PRDM15: variants seen among roughly 807,000 people sequenced by gnomAD.
The protein encoded by PRDM15 is PR/SET domain 15.
PRDM15 carries 64 observed loss-of-function variants against 128.6 expected under a neutral mutation model. The ratio of observed to expected loss-of-function variants is 0.50; its 90% CI spans 0.41 to 0.61. The LOEUF is 0.61. Among genes scored for constraint, PRDM15 ranks in the 20% least tolerant of loss-of-function variants. PRDM15 has a pLI of 0.00. For synonymous variants in PRDM15, 615 were observed against 621.8 expected (o/e 0.99, Z 0.16); for missense variants, 1,242 against 1,569.1 (o/e 0.79, Z 3.52).
chr21:41,801,821 CACGACA>C, intron 23 of PRDM15, 99 bp from the exon 24 acceptor site: 2 of 1,311,920 alleles, frequency 1.5e-6, no homozygotes, highest in Non-Finnish European at 2.1e-6. Flanking sequence ...ACCAAAGAAG[CACGACA>C]TTCTTTGGTG....
intron 1 of PRDM15, among the ~76,000 whole-genome samples, chr21:41,875,214 A>G (rs974418450): frequency 5.3e-5 from 8 of 152,168 alleles, no homozygotes; most frequent in African/African-American, 1.9e-4. Context: ...TCCCCTCCAG[A>G]GCCTCCACAG....
chr21:41,855,757 C>T (rs1293298677), intron 4 of PRDM15, among the ~76,000 whole-genome samples: 2 of 152,232 alleles, frequency 1.3e-5, no homozygotes, highest in Admixed American at 1.3e-4. Context: ...GGGCCTCGCC[C>T]CCAACCGTGC....
intron 6 of PRDM15, among the ~76,000 whole-genome samples, chr21:41,841,156 C>T (rs1004333162): frequency 6.6e-6 from 1 of 152,294 alleles, no homozygotes; most frequent in African/African-American, 2.4e-5. Flanking sequence ...AGACATGACT[C>T]TTCAGATTCA....
intron 1 of PRDM15, among the ~76,000 whole-genome samples, chr21:41,875,846 G>T (rs2064394224): frequency 6.6e-6 from 1 of 152,156 alleles, no homozygotes; most frequent in South Asian, 2.1e-4. Flanking sequence ...CAGTACACTC[G>T]TGTGTAGCTT....
At chr21:41,816,940 C>T (rs527467777) in intron 18 of PRDM15, among the ~76,000 whole-genome samples, 26 of 151,816 alleles carry the variant, frequency 1.7e-4, no homozygotes, top group Admixed American at 3.9e-4. Context: ...CGCCCAGACC[C>T]CAGCACTTCC....
chr21:41,836,295 G>T, intron 9 of PRDM15, 88 bp from the exon 10 acceptor site: 1 of 1,351,670 alleles, frequency 7.4e-7, no homozygotes, highest in Non-Finnish European at 1.0e-6. Context: ...CCCACAAGCC[G>T]CCTCGCTCCC....
Position 41,821,011 on chromosome 21 carries a change from A to G in PRDM15, c.2060+56T>C. 1.2e-6 allele frequency: 2 copies of G among 1,605,120 alleles called. No homozygotes were observed. Among genetic ancestry groups the G allele is most frequent in the Non-Finnish European group, 1.7e-6 (2 of 1,172,166 alleles). ...TCCTTATAGCATGTGTCTCTTTGCA[A>G]GGAAGCATGTCCCCTCTCTCCTGAC... On this transcript the variant is annotated intron_variant, in intron 16 of 23. Transcript: ENST00000398548. This position sits in a 1 kb window ranked among gnomAD's most constrained non-coding sequence, Gnocchi z 5.4.
At chr21:41,845,747 C>G (rs752752817) in intron 6 of PRDM15, among the ~76,000 whole-genome samples, 49 of 152,224 alleles carry the variant, frequency 3.2e-4, no homozygotes, top group South Asian at 1.0e-3. Context: ...TGATGACATA[C>G]AAGTAGAATT....
At chr21:41,837,193 A>G (rs143106039) in intron 8 of PRDM15, among the ~76,000 whole-genome samples, 10 of 152,368 alleles carry the variant, frequency 6.6e-5, no homozygotes, top group African/African-American at 2.4e-4. Flanking sequence ...ACTCAACTCC[A>G]TGGTAAAAAT....
chr21:41,803,010 C>T lies in PRDM15; in HGVS notation c.2734-89G>A, dbSNP rs374732914. 1.4e-4 allele frequency: 136 copies of T among 999,526 alleles called. No homozygotes were observed. In the African/African-American group the frequency reaches 1.7e-3, roughly 13 times the overall value. 61.9% of individuals were successfully genotyped at this position (999,526 alleles called of 1,614,324 possible). On this transcript the variant is annotated intron_variant, in intron 22 of 23. Transcript: ENST00000398548. ...CAGCCCCAGCACTGCCCTGGACACA[C>T]TCTCCAATCAGTGGGGACGCTTGTG... is the stretch of plus-strand genomic sequence containing the variant.
chr21:41,851,873 G>T (rs1236051245), intron 5 of PRDM15, among the ~76,000 whole-genome samples: 1 of 152,216 alleles, frequency 6.6e-6, no homozygotes, highest in Admixed American at 6.5e-5. Flanking sequence ...TGAAATCTAA[G>T]AGTAACTAAG....
Position 41,799,465 on chromosome 21 carries a change from C to T in PRDM15, c.*1775G>A, listed in dbSNP as rs1306641119. ...ATAAATTAAAAGTCAAATGATCTCC[C>T]ACTATTCATTCAACTGAGAGGTGAG... On this transcript the variant is annotated 3_prime_UTR_variant, in exon 24 of 24. Coordinates refer to ENST00000398548, the MANE Select transcript of PRDM15 (RefSeq NM_001040424.3). 6.6e-6 allele frequency: 1 copy of T among 152,072 alleles called. No homozygotes were observed. Among genetic ancestry groups the T allele is most frequent in the African/African-American group, 2.4e-5 (1 of 41,388 alleles). 9.4% of individuals were successfully genotyped at this position (152,072 alleles called of 1,614,324 possible).
chr21:41,840,083 T>A (rs2063027048), intron 6 of PRDM15, among the ~76,000 whole-genome samples: 1 of 152,074 alleles, frequency 6.6e-6, no homozygotes, highest in Non-Finnish European at 1.5e-5. Context: ...TGAGGGCAGT[T>A]TAGTGAAAAA....
At position 41,879,119 on chromosome 21, in the gene PRDM15, G is replaced by C; in HGVS notation, c.-10+151C>G. 9.5e-7 allele frequency: 1 copy of C among 1,058,050 alleles called. No individual in the cohort carries two copies. Among genetic ancestry groups the C allele is most frequent in the Non-Finnish European group, 1.2e-6 (1 of 861,162 alleles). 65.5% of individuals were successfully genotyped at this position (1,058,050 alleles called of 1,614,324 possible). A position where few individuals can be genotyped will look rare whatever the true frequency, so the allele number is the denominator to read the frequency against. On this transcript the variant is annotated intron_variant, in intron 1 of 23. Transcript: ENST00000398548. The surrounding 1 kb of genome is among the most constrained non-coding windows in gnomAD (Gnocchi z 5.1). The stretch of plus-strand genomic sequence containing the variant: ...GTAACAAAGAACAGTCGGCATGGCG[G>C]CTGGACCGGGGCGGCGCGCGGCTGC...
chr21:41,829,024 TACAC>T (rs1327877434), intron 11 of PRDM15, among the ~76,000 whole-genome samples: 6 of 96,970 alleles, frequency 6.2e-5, no homozygotes, highest in Non-Finnish European at 1.0e-4. Context: ...ACATACACAC[TACAC>T]ACACACGCCC....
chr21:41,816,094 C>T (rs2062040518), intron 18 of PRDM15, among the ~76,000 whole-genome samples: 2 of 152,276 alleles, frequency 1.3e-5, no homozygotes, highest in African/African-American at 4.8e-5. Flanking sequence ...ACCACGCGAG[C>T]AACGCCGGGG....
chr21:41,851,576 C>T (rs979129859), intron 5 of PRDM15, among the ~76,000 whole-genome samples: 8 of 152,086 alleles, frequency 5.3e-5, no homozygotes, highest in Non-Finnish European at 1.5e-5. Flanking sequence ...GGGGCGCTGA[C>T]GCGGCTGCAG....
chr21:41,803,645 A>G (rs572567282), intron 22 of PRDM15, among the ~76,000 whole-genome samples: 2 of 152,324 alleles, frequency 1.3e-5, no homozygotes, highest in South Asian at 4.1e-4. Context: ...TCATGGTGGG[A>G]CGACCCGTCC....
At position 41,821,146 on chromosome 21, in the gene PRDM15, G is replaced by T. The variant is rs746274698; in HGVS notation, c.1981C>A (p.Arg661=). ...TAGGTGGCCTTCAGTGCAAAGCGCC[G>T]GTTGCAGATGCTGCAGCCATAGCCC... is the stretch of plus-strand genomic sequence containing the variant. ...EKGYGCSICN[R]RFALKATYHA... Residue 661 remains arginine, a synonymous_variant, in exon 16 of 24, where the codon CGG becomes AGG. Transcript: ENST00000398548. This position sits in a 1 kb window ranked among gnomAD's most constrained non-coding sequence, Gnocchi z 5.4. 6.2e-7 allele frequency: 1 copy of T among 1,614,088 alleles called. No homozygotes were observed. Among genetic ancestry groups the T allele is most frequent in the African/African-American group, 1.3e-5 (1 of 74,928 alleles).
Sources: allele counts gnomAD v4.1 joint callset (sites outside exome capture counted in the v4.1 genomes callset), GRCh38; gene constraint gnomAD v4.1.1; non-coding constraint Gnocchi (gnomAD v3.1); transcripts MANE v1.5; gene names NCBI Gene and HGNC (gene_info 2026-07-23, HGNC 2026-07-21).